RAI1: variants seen among roughly 807,000 people sequenced by gnomAD.
RAI1 encodes retinoic acid induced 1.
In RAI1, 9 loss-of-function variants were observed where a neutral mutation model predicts 123.8. That is an observed-to-expected ratio of 0.07 (90% CI 0.04 to 0.13). The LOEUF (loss-of-function observed/expected upper bound fraction) is 0.13. RAI1 is among the 10% of genes least tolerant of loss of function. The pLI is 1.00. For synonymous variants in RAI1, 1,231 were observed against 1,127.3 expected (o/e 1.09, Z -1.84); for missense variants, 2,256 against 2,545.8 (o/e 0.89, Z 2.45).
chr17:17,681,807 G>A lies in RAI1; in HGVS notation c.-149+14G>A. On this transcript the variant is annotated intron_variant, in intron 1 of 5. Transcript: ENST00000353383. ...GCGGGCGCCGAGGTGAGCAGCGAGC[G>A]CCGGGGCGCGGGGGGCGCAGTGTAT... 1 of 292,614 alleles carries A rather than the reference G, an allele frequency of 3.4e-6. No individual in the cohort carries two copies. 18.1% of individuals were successfully genotyped at this position (292,614 alleles called of 1,614,324 possible).
chr17:17,684,907 CCT>C (rs1412526104), intron 1 of RAI1: 1 of 152,102 alleles, frequency 6.6e-6, no homozygotes, highest in Non-Finnish European at 1.5e-5. Flanking sequence ...AGGCCATTTA[CCT>C]CTCTGTGCCT....
rs1016486415 is a variant in RAI1 at position 17,756,172 on chromosome 17, G to A, written c.-17+32013G>A. ...CCATCATGGGACCTGGCACGGGGGT[G>A]CCTGGCCACAGCAGGAGTGAATGAA... On this transcript the variant is annotated intron_variant, in intron 2 of 5. Coordinates refer to ENST00000353383, the MANE Select transcript of RAI1 (RefSeq NM_030665.4). 2.6e-5 allele frequency among the ~76,000 whole-genome samples: 4 copies of A among 152,142 alleles called. 1 individual carries two copies. The highest frequency in any genetic ancestry group is 2.6e-4 in the Admixed American group (4 of 15,276).
chr17:17,699,638 G>C (rs1042358871), intron 1 of RAI1, among the ~76,000 whole-genome samples: 4 of 141,802 alleles, frequency 2.8e-5, no homozygotes, highest in Non-Finnish European at 4.7e-5. Context: ...CCGGGGGGGG[G>C]GGAATCAAAT....
chr17:17,791,217 G>A (rs531730818), intron 2 of RAI1, among the ~76,000 whole-genome samples: 1 of 152,220 alleles, frequency 6.6e-6, no homozygotes, highest in Admixed American at 6.5e-5. Context: ...GGTGGTCCCA[G>A]GACTGGGCTG....
intron 2 of RAI1, among the ~76,000 whole-genome samples, chr17:17,735,847 G>A (rs1363227568): frequency 6.6e-6 from 1 of 152,232 alleles, no homozygotes; most frequent in Non-Finnish European, 1.5e-5. Flanking sequence ...GTTCTGAGGT[G>A]GCCCTATTTT....
intron 2 of RAI1, among the ~76,000 whole-genome samples, chr17:17,728,591 T>A (rs1169821496): frequency 6.6e-6 from 1 of 152,014 alleles, no homozygotes; most frequent in East Asian, 1.9e-4. Flanking sequence ...CGTGCCCAAG[T>A]CTGATTGGAG....
At chr17:17,759,577 C>T (rs1266574333) in intron 2 of RAI1, among the ~76,000 whole-genome samples, 1 of 150,200 alleles carries the variant, frequency 6.7e-6, no homozygotes, top group African/African-American at 2.4e-5. Context: ...CATGTTCTTT[C>T]TGCATACCCT....
Position 17,809,571 on chromosome 17 carries a change from C to A in RAI1, c.5709+132C>A. 2.0e-6 allele frequency: 2 copies of A among 981,738 alleles called. No individual in the cohort carries two copies. The highest frequency in any genetic ancestry group is 2.9e-5 in the South Asian group (2 of 69,334). 60.8% of individuals were successfully genotyped at this position (981,738 alleles called of 1,614,324 possible). A position where few individuals can be genotyped will look rare whatever the true frequency, so the allele number is the denominator to read the frequency against. On this transcript the variant is annotated intron_variant, in intron 5 of 5. Transcript: ENST00000353383. This position sits in a 1 kb window ranked among gnomAD's most constrained non-coding sequence, Gnocchi z 4.9. ...CAGGGCCCAGCCCTAGGGGAGGGAG[C>A]TCTCCCCGCCCACCCCCAGGAGCCC...
rs530568134 is a variant in RAI1 at position 17,793,485 on chromosome 17, C to T, written c.537C>T (p.Pro179=). 1.1e-5 allele frequency: 17 copies of T among 1,613,980 alleles called. No homozygotes were observed. In the South Asian group the frequency reaches 1.8e-4, roughly 17 times the overall value. The change falls in exon 3 of 6, where the codon CCC becomes CCT. Residue 179 remains proline, a synonymous_variant. Coordinates refer to ENST00000353383, the MANE Select transcript of RAI1 (RefSeq NM_030665.4). The stretch of plus-strand genomic sequence containing the variant: ...TGCACGTCCAGCAGCCACCGCCGCC[C>T]CAGCAGCCCCTGGCATACCCCAAGC... The part of the protein sequence containing the change: ...HSLHVQQPPP[P]QQPLAYPKLQ...
At chr17:17,772,460 C>G (rs2031196062) in intron 2 of RAI1, among the ~76,000 whole-genome samples, 1 of 152,222 alleles carries the variant, frequency 6.6e-6, no homozygotes, top group South Asian at 2.1e-4. Context: ...GTGATGCTCA[C>G]TGTTGCTCAC....
chr17:17,735,855 T>G (rs1445103095), intron 2 of RAI1, among the ~76,000 whole-genome samples: 1 of 152,136 alleles, frequency 6.6e-6, no homozygotes, highest in Non-Finnish European at 1.5e-5. Flanking sequence ...GTGGCCCTAT[T>G]TTGCCAACCC....
At chr17:17,718,368 A>T (rs1915775390) in intron 1 of RAI1, among the ~76,000 whole-genome samples, 1 of 152,220 alleles carries the variant, frequency 6.6e-6, no homozygotes, top group Admixed American at 6.5e-5. Context: ...CAGCTAAAAT[A>T]TCAAGCTCTT....
At chr17:17,776,658 C>CTTTTTTTTTTTTTT (rs3075548) in intron 2 of RAI1, 2 of 59,334 alleles carry the variant, frequency 3.4e-5, no homozygotes, top group African/African-American at 1.6e-4. Context: ...GCCTGGCTCA[C>CTTTTTTTTTTTTTT]TTTTTTTTTT....
At chr17:17,738,759 G>C (rs1002198696) in intron 2 of RAI1, among the ~76,000 whole-genome samples, 2 of 152,224 alleles carry the variant, frequency 1.3e-5, no homozygotes, top group African/African-American at 4.8e-5. Context: ...CAGAGGGCCA[G>C]AGAGTCTACT....
At chr17:17,733,165 T>C (rs1025420734) in intron 2 of RAI1, among the ~76,000 whole-genome samples, 1 of 152,138 alleles carries the variant, frequency 6.6e-6, no homozygotes, top group African/African-American at 2.4e-5. Flanking sequence ...TGCTTAGACC[T>C]GGGTTCCTGC....
Position 17,733,202 on chromosome 17 carries a change from G to A in RAI1, c.-17+9043G>A, listed in dbSNP as rs78802831. 5.4e-4 allele frequency among the ~76,000 whole-genome samples: 82 copies of A among 152,240 alleles called. No individual in the cohort carries two copies. The East Asian group carries it at 0.013, about 24-fold the overall frequency. On this transcript the variant is annotated intron_variant, in intron 2 of 5. Coordinates refer to ENST00000353383, the MANE Select transcript of RAI1 (RefSeq NM_030665.4). ...CTGGCATCCTGGCTTTCCCTGATCC[G>A]AGGCAGATTCTATCTTTGAAGCTCA...
chr17:17,700,684 CGTCCGCCGAGGCCGCA>C (rs927399667), intron 1 of RAI1, among the ~76,000 whole-genome samples: 1 of 152,046 alleles, frequency 6.6e-6, no homozygotes, highest in African/African-American at 2.4e-5. Flanking sequence ...GGCCGGGCCT[CGTCCGCCGAGGCCGCA>C]GTCCGGCCCC....
At chr17:17,740,970 T>A (rs1268173644) in intron 2 of RAI1, among the ~76,000 whole-genome samples, 1 of 78,126 alleles carries the variant, frequency 1.3e-5, no homozygotes, top group African/African-American at 4.8e-5. Flanking sequence ...GTGGGAGGGG[T>A]GGGTGAGGCA....
At chr17:17,703,687 C>T (rs1036314356) in intron 1 of RAI1, among the ~76,000 whole-genome samples, 1 of 152,178 alleles carries the variant, frequency 6.6e-6, no homozygotes, top group Non-Finnish European at 1.5e-5. Flanking sequence ...TTTGCCGAGG[C>T]TGGAGTGCAG....
Sources: gnomAD v4.1 joint callset for allele counts (sites outside exome capture counted in the v4.1 genomes callset) on GRCh38, gnomAD v4.1.1 for gene constraint, Gnocchi (gnomAD v3.1) non-coding constraint, MANE v1.5 for transcripts, NCBI Gene and HGNC (gene_info 2026-07-23, HGNC 2026-07-21) for gene names.